Variants in PITHD1 observed in about 807,000 individuals in gnomAD.
The protein encoded by PITHD1 is PITH domain-containing protein 1.
In PITHD1, 8 loss-of-function variants were observed where a neutral mutation model predicts 27.5. The observed-to-expected ratio is 0.29, with a 90% CI of 0.17 to 0.52. The LOEUF is 0.52. Among genes scored for constraint, PITHD1 ranks in the 20% least tolerant of loss-of-function variants. The probability of loss-of-function intolerance (pLI) is 0.96; values close to 1 mark genes in which losing one functional copy is unlikely to be tolerated. For synonymous variants in PITHD1, 118 were observed against 106.8 expected (o/e 1.10, Z -0.64); for missense variants, 233 against 283.9 (o/e 0.82, Z 1.29).
chr1:23,781,950 A>G (rs1215538768), intron 3 of PITHD1, among the ~76,000 whole-genome samples: 1 of 152,130 alleles, frequency 6.6e-6, no homozygotes, highest in Non-Finnish European at 1.5e-5. Flanking sequence ...CACTACATAT[A>G]TTATACTTTA....
intron 2 of PITHD1, 24 bp from the exon 3 acceptor site, chr1:23,779,840 A>G (rs1557465439): frequency 3.8e-6 from 6 of 1,595,398 alleles, no homozygotes; most frequent in South Asian, 1.1e-5. Context: ...AGGTTTGACA[A>G]CCTTCTCTTT....
intron 2 of PITHD1, 181 bp downstream of exon 2, chr1:23,779,662 G>A: frequency 3.0e-6 from 2 of 660,178 alleles, no homozygotes; most frequent in South Asian, 1.8e-5. Flanking sequence ...AGATGTATTT[G>A]TAGAACAATA....
At chr1:23,782,457 C>G (rs1396301766) in intron 3 of PITHD1, among the ~76,000 whole-genome samples, 1 of 150,770 alleles carries the variant, frequency 6.6e-6, no homozygotes, top group East Asian at 2.0e-4. Flanking sequence ...GGGCTGGGCA[C>G]AGTGGCTCAT....
In PITHD1 at chr1:23,780,673, G is replaced by A. The variant is rs557763219; in HGVS notation, c.320+732G>A. Among the ~76,000 whole-genome samples the A allele has an allele frequency of 1.3e-4, 19 of 151,992 alleles. No homozygotes were observed. In the South Asian group the frequency reaches 2.7e-3, roughly 22 times the overall value. ...GAGGCGGGCGGATCACCTGAGGTTC[G>A]AGACCAGCCTGGCCAACCTGGTAAA... On this transcript the variant is annotated intron_variant, in intron 3 of 5. Transcript: ENST00000246151.
chr1:23,786,506 G>T, intron 5 of PITHD1, 83 bp downstream of exon 5: 1 of 529,244 alleles, frequency 1.9e-6, no homozygotes, highest in South Asian at 3.7e-5. Context: ...GAAGGGAAAA[G>T]AGCAAGTGTC....
chr1:23,780,182 CATG>C (rs1017997375), intron 3 of PITHD1, among the ~76,000 whole-genome samples: 2 of 152,238 alleles, frequency 1.3e-5, no homozygotes, highest in Non-Finnish European at 2.9e-5. Flanking sequence ...CTTACTATGA[CATG>C]ATTCATTCAG....
intron 2 of PITHD1, 162 bp downstream of exon 2, chr1:23,779,643 A>G (rs1638566423): frequency 2.9e-6 from 2 of 678,658 alleles, no homozygotes; most frequent in East Asian, 2.6e-5. Context: ...CTTGGTGCAG[A>G]CTGGAAACAG....
intron 3 of PITHD1, among the ~76,000 whole-genome samples, chr1:23,783,295 A>G (rs912430432): frequency 5.5e-5 from 8 of 144,418 alleles, no homozygotes; most frequent in South Asian, 2.1e-4. Flanking sequence ...GTATATATAT[A>G]TGTATATCTA....
intron 3 of PITHD1, among the ~76,000 whole-genome samples, chr1:23,781,472 A>AAG (rs1361731242): frequency 6.6e-6 from 1 of 152,038 alleles, no homozygotes; most frequent in Non-Finnish European, 1.5e-5. Context: ...CAAAAAAAAA[A>AAG]AAAAAAATTC....
chr1:23,782,853 T>G (rs891223499), intron 3 of PITHD1, among the ~76,000 whole-genome samples: 9 of 151,940 alleles, frequency 5.9e-5, no homozygotes, highest in Admixed American at 5.9e-4. Context: ...GCTGCCCACC[T>G]CAGCCTCCCA....
intron 4 of PITHD1, among the ~76,000 whole-genome samples, chr1:23,786,054 C>G (rs1160541903): frequency 6.6e-6 from 1 of 152,222 alleles, no homozygotes; most frequent in Non-Finnish European, 1.5e-5. Flanking sequence ...TTTAGAATCC[C>G]TGCTGGGTTA....
chr1:23,779,628 G>C (rs943524410), intron 2 of PITHD1, 147 bp downstream of exon 2: 2 of 718,488 alleles, frequency 2.8e-6, no homozygotes, highest in Non-Finnish European at 4.9e-6. Context: ...AAGCATCATA[G>C]CTTTCTTGGT....
At chr1:23,783,083 G>T (rs1042857434) in intron 3 of PITHD1, among the ~76,000 whole-genome samples, 1 of 151,660 alleles carries the variant, frequency 6.6e-6, no homozygotes, top group Non-Finnish European at 1.5e-5. Flanking sequence ...TGCAAGCTCC[G>T]CCTCCTGGGT....
At chr1:23,782,412 C>G (rs1638615253) in intron 3 of PITHD1, among the ~76,000 whole-genome samples, 1 of 150,120 alleles carries the variant, frequency 6.7e-6, no homozygotes, top group Non-Finnish European at 1.5e-5. Context: ...GTGCAAGACT[C>G]TGTCTCAAAA....
chr1:23,784,563 T>G lies in PITHD1; in HGVS notation c.321-1112T>G, dbSNP rs1180715314. 2.6e-5 allele frequency among the ~76,000 whole-genome samples: 4 copies of G among 152,162 alleles called. No individual in the cohort carries two copies. The East Asian group carries it at 7.7e-4, about 29-fold the overall frequency. On this transcript the variant is annotated intron_variant, in intron 3 of 5. Transcript: ENST00000246151. Reference sequence around the variant, plus strand: ...CGGCTTTCTTAAATTACATGCATTTTGCCCCAGCTAATATCGAGGCCTCTT... The same window carrying G: ...CGGCTTTCTTAAATTACATGCATTTGGCCCCAGCTAATATCGAGGCCTCTT...
intron 3 of PITHD1, among the ~76,000 whole-genome samples, chr1:23,784,478 G>A (rs1358518429): frequency 1.3e-5 from 2 of 151,958 alleles, no homozygotes; most frequent in Admixed American, 1.3e-4. Flanking sequence ...CTGACCTCAT[G>A]ATCTGCCCGC....
chr1:23,782,027 T>C (rs921519573), intron 3 of PITHD1, among the ~76,000 whole-genome samples: 2 of 152,214 alleles, frequency 1.3e-5, no homozygotes, highest in Non-Finnish European at 2.9e-5. Flanking sequence ...AAAAATGCTA[T>C]TGAACTATGA....
At chr1:23,780,675 G>A (rs1484039230) in intron 3 of PITHD1, among the ~76,000 whole-genome samples, 3 of 150,608 alleles carry the variant, frequency 2.0e-5, no homozygotes, top group Non-Finnish European at 4.4e-5. Flanking sequence ...TGAGGTTCGA[G>A]ACCAGCCTGG....
At chr1:23,784,376 G>T (rs112328735) in intron 3 of PITHD1, among the ~76,000 whole-genome samples, 3,052 of 151,756 alleles carry the variant, frequency 0.02, 90 homozygotes, top group African/African-American at 0.068. Context: ...AAGTAGCTGG[G>T]ACTACAGGCG....
Sources: allele counts gnomAD v4.1 joint callset (sites outside exome capture counted in the v4.1 genomes callset), GRCh38; gene constraint gnomAD v4.1.1; transcripts MANE v1.5; gene names NCBI Gene and HGNC (gene_info 2026-07-23, HGNC 2026-07-21).